Variants in CDH18 observed in about 807,000 individuals in gnomAD.
CDH18 encodes cadherin 18, also known as cadherin-18.
In CDH18, 31 loss-of-function variants were observed where a neutral mutation model predicts 67.9. The observed-to-expected ratio is 0.46, with a 90% CI of 0.34 to 0.62. CDH18 has a LOEUF of 0.62. Among genes scored for constraint, CDH18 ranks in the 20% least tolerant of loss-of-function variants. CDH18 has a pLI of 0.01. For missense variants in CDH18, 890 were observed against 975.5 expected, an observed-to-expected ratio of 0.91 and a Z score of 1.17; for synonymous variants, 362 against 347.2, an observed-to-expected ratio of 1.04 and a Z score of -0.48.
At chr5:20,523,688 T>C (rs550029569) in intron 1 of CDH18, among the ~76,000 whole-genome samples, 1 of 152,068 alleles carries the variant, frequency 6.6e-6, no homozygotes, top group Non-Finnish European at 1.5e-5. Context: ...TACAGGCATG[T>C]GCCAGCACGC....
chr5:19,482,003 T>C (rs1296875843), intron 12 of CDH18, among the ~76,000 whole-genome samples: 1 of 152,192 alleles, frequency 6.6e-6, no homozygotes. Context: ...ATAGAAGCTC[T>C]TCATGCGGCT....
At chr5:19,921,627 T>C (rs1792491180) in intron 2 of CDH18, among the ~76,000 whole-genome samples, 1 of 151,906 alleles carries the variant, frequency 6.6e-6, no homozygotes, top group African/African-American at 2.4e-5. Flanking sequence ...CTATAAATCC[T>C]GTAAAAACGA....
chr5:20,348,211 T>G (rs1740869157), intron 1 of CDH18, among the ~76,000 whole-genome samples: 1 of 152,172 alleles, frequency 6.6e-6, no homozygotes, highest in African/African-American at 2.4e-5. Context: ...TCAAACCTGT[T>G]TGGATATAAA....
chr5:19,741,439 A>ATTTT (rs1230807193), intron 4 of CDH18, among the ~76,000 whole-genome samples: 1 of 147,750 alleles, frequency 6.8e-6, no homozygotes, highest in African/African-American at 2.5e-5. Flanking sequence ...ACAATACACA[A>ATTTT]TTTTTTTTTT....
At chr5:20,407,613 A>C (rs950464007) in intron 1 of CDH18, among the ~76,000 whole-genome samples, 4 of 152,114 alleles carry the variant, frequency 2.6e-5, no homozygotes, top group African/African-American at 9.6e-5. Context: ...AACCTCACTA[A>C]AACATTCAAT....
intron 2 of CDH18, among the ~76,000 whole-genome samples, chr5:20,233,387 G>T (rs1417973861): frequency 6.6e-6 from 1 of 151,556 alleles, no homozygotes; most frequent in Non-Finnish European, 1.5e-5. Flanking sequence ...TACCAAAAGA[G>T]TTTGAAATTT....
chr5:19,982,591 T>A lies in CDH18; in HGVS notation c.-375-1413A>T, dbSNP rs1799167954. 2.6e-5 allele frequency among the ~76,000 whole-genome samples: 4 copies of A among 152,100 alleles called. 1 individual carries two copies. The South Asian group carries it at 8.3e-4, about 32-fold the overall frequency. ...TTATTTCCTAATTTATTCCCACAAG[T>A]TGTATATAAGGGAAACTACACTTTC... is the stretch of plus-strand genomic sequence containing the variant. On this transcript the variant is annotated intron_variant, in intron 1 of 12. Transcript: ENST00000382275.
At chr5:20,518,198 G>T (rs140686295) in intron 1 of CDH18, among the ~76,000 whole-genome samples, 4 of 152,036 alleles carry the variant, frequency 2.6e-5, no homozygotes, top group Admixed American at 6.6e-5. Context: ...CTGTCACAAG[G>T]CCGTAATTAA....
At position 20,511,875 on chromosome 5, in the gene CDH18, A is replaced by G. The variant is rs572039597; in HGVS notation, c.-580+63587T>C. On this transcript the variant is annotated intron_variant, in intron 1 of 14. Coordinates refer to the CDH18 transcript ENST00000507958. The stretch of plus-strand genomic sequence containing the variant: ...AGTTTGTTTTTACTTTGATTAATGT[A>G]TACCAATAAGCAGGTGAAGGTATTT... 2.6e-5 allele frequency among the ~76,000 whole-genome samples: 4 copies of G among 152,276 alleles called. 2 individuals carry two copies. The highest frequency in any genetic ancestry group is 9.6e-5 in the African/African-American group (4 of 41,560).
intron 1 of CDH18, among the ~76,000 whole-genome samples, chr5:20,471,840 A>C (rs920876166): frequency 1.3e-5 from 2 of 149,548 alleles, no homozygotes; most frequent in African/African-American, 4.9e-5. Context: ...GTCTAAAAAA[A>C]AAAAAAAAAA....
intron 2 of CDH18, among the ~76,000 whole-genome samples, chr5:19,929,408 G>A (rs1793441783): frequency 6.6e-6 from 1 of 152,076 alleles, no homozygotes; most frequent in Non-Finnish European, 1.5e-5. Flanking sequence ...CCTCAAGACT[G>A]AATCAAACAT....
At chr5:20,080,614 T>G (rs1000313629) in intron 2 of CDH18, among the ~76,000 whole-genome samples, 2 of 152,180 alleles carry the variant, frequency 1.3e-5, no homozygotes, top group Admixed American at 6.5e-5. Flanking sequence ...ATTTATTTTT[T>G]GATGAAAATT....
At chr5:19,879,232 G>C (rs1787357642) in intron 2 of CDH18, among the ~76,000 whole-genome samples, 1 of 151,930 alleles carries the variant, frequency 6.6e-6, no homozygotes, top group Non-Finnish European at 1.5e-5. Context: ...GGGGTGGTAA[G>C]AATGCCCTAA....
chr5:19,885,465 A>C (rs1788095170), intron 2 of CDH18, among the ~76,000 whole-genome samples: 1 of 152,220 alleles, frequency 6.6e-6, no homozygotes, highest in Admixed American at 6.6e-5. Flanking sequence ...ATATTAGTGT[A>C]AAATACATCG....
intron 1 of CDH18, among the ~76,000 whole-genome samples, chr5:20,507,737 T>C (rs1440727675): frequency 6.6e-6 from 1 of 152,178 alleles, no homozygotes; most frequent in Admixed American, 6.5e-5. Flanking sequence ...TCCAGCTGAA[T>C]AATACATATT....
At chr5:19,992,225 A>G (rs1408625059), upstream of CDH18, among the ~76,000 whole-genome samples, 2 of 152,092 alleles carry the variant, frequency 1.3e-5, no homozygotes, top group African/African-American at 4.8e-5. Context: ...CAAAGAACCA[A>G]TGAGCTTTTC....
At chr5:20,152,627 G>A (rs1403154121) in intron 2 of CDH18, among the ~76,000 whole-genome samples, 1 of 151,894 alleles carries the variant, frequency 6.6e-6, no homozygotes, top group Non-Finnish European at 1.5e-5. Context: ...CTGAGTCTCT[G>A]ACAAAAATAT....
At chr5:19,626,526 A>C (rs1323162432) in intron 5 of CDH18, among the ~76,000 whole-genome samples, 1 of 152,096 alleles carries the variant, frequency 6.6e-6, no homozygotes, top group Non-Finnish European at 1.5e-5. Context: ...AGGTTAAGCA[A>C]GTGTGAGATC....
intron 1 of CDH18, among the ~76,000 whole-genome samples, chr5:20,301,979 G>A (rs1735974393): frequency 6.6e-6 from 1 of 151,924 alleles, no homozygotes; most frequent in Non-Finnish European, 1.5e-5. Flanking sequence ...AATGAAGATG[G>A]CATAACAAAT....
Sources: allele counts gnomAD v4.1 joint callset (sites outside exome capture counted in the v4.1 genomes callset), GRCh38; gene constraint gnomAD v4.1.1; transcripts MANE v1.5; gene names NCBI Gene and HGNC (gene_info 2026-07-23, HGNC 2026-07-21).